The following TBXAS1 variants were observed in gnomAD, a reference collection of about 807,000 sequenced individuals.
TBXAS1 encodes thromboxane-A synthase.
A neutral mutation model predicts 60.7 loss-of-function variants in TBXAS1; 48 were observed. The observed-to-expected ratio is 0.79, with a 90% CI of 0.63 to 1.01. The LOEUF (loss-of-function observed/expected upper bound fraction) is 1.01. Among genes scored for constraint, TBXAS1 ranks in the 50% least tolerant of loss-of-function variants. The pLI is 0.00. For synonymous variants in TBXAS1, 287 were observed against 269.7 expected (o/e 1.06, Z -0.63); for missense variants, 685 against 686.3 (o/e 1.00, Z 0.02).
At position 139,780,596 on chromosome 7, in the gene TBXAS1, C is replaced by A. The variant is rs899275641; in HGVS notation, c.-317-144C>A. The A allele has an allele frequency of 1.9e-5, 3 of 154,404 alleles. No individual in the cohort carries two copies. The East Asian group carries it at 5.8e-4, about 30-fold the overall frequency. 9.6% of individuals were successfully genotyped at this position (154,404 alleles called of 1,614,324 possible). On this transcript the variant is annotated intron_variant, in intron 1 of 16. Transcript: ENST00000336425. ...GATAAAAGGCATTTCATATAGTCCT[C>A]ATCACAGCCTCTGAGGCTGGGTTAG...
At chr7:139,826,139 G>C (rs984628404), upstream of TBXAS1, among the ~76,000 whole-genome samples, 4 of 152,142 alleles carry the variant, frequency 2.6e-5, no homozygotes, top group African/African-American at 9.7e-5. Flanking sequence ...CCCCCTCCAT[G>C]CTGCCGGGCC....
chr7:139,872,265 GAA>G lies in TBXAS1; in HGVS notation c.121_122del (p.Lys41ValfsTer51). 1 of 1,614,038 alleles carries G rather than the reference GAA, an allele frequency of 6.2e-7. No individual in the cohort carries two copies. On this transcript the variant is annotated frameshift_variant, in exon 2 of 13. Transcript: ENST00000448866. LOFTEE classifies it high-confidence loss of function. ...YSTSAFSRLEKLGLRHPKPSP... is the reference protein window; with the variant it reads ...YSTSAFSRLEXLGLRHPKPSP... ...CCACATCAGCATTCTCAAGACTGGAGAAGTTAGGCCTCAGACATCCCAAGCCT... is the reference window on the plus strand; with the variant it reads ...CCACATCAGCATTCTCAAGACTGGAGGTTAGGCCTCAGACATCCCAAGCCT...
chr7:139,986,755 A>ATATGTGTGTGTG (rs1316978387), intron 9 of TBXAS1, among the ~76,000 whole-genome samples: 1 of 79,746 alleles, frequency 1.3e-5, no homozygotes, highest in African/African-American at 5.1e-5. Context: ...ATATATATAT[A>ATATGTGTGTGTG]TGTGTGTGTG....
chr7:139,850,779 G>A (rs1256473238), intron 1 of TBXAS1, among the ~76,000 whole-genome samples: 1 of 152,146 alleles, frequency 6.6e-6, no homozygotes, highest in Non-Finnish European at 1.5e-5. Context: ...ACACAGGCGA[G>A]AACACTGTGA....
At chr7:140,002,822 A>C (rs183589963) in intron 9 of TBXAS1, among the ~76,000 whole-genome samples, 8 of 152,190 alleles carry the variant, frequency 5.3e-5, no homozygotes, top group Admixed American at 2.6e-4. Context: ...ACTAAAACAT[A>C]TAAAAATCTG....
chr7:139,917,279 GT>G (rs1168006769), intron 4 of TBXAS1, among the ~76,000 whole-genome samples: 14 of 152,180 alleles, frequency 9.2e-5, no homozygotes, highest in Admixed American at 7.9e-4. Context: ...AGGCCTCTTT[GT>G]TTTATGTGAC....
intron 5 of TBXAS1, among the ~76,000 whole-genome samples, chr7:139,942,766 G>A (rs1808394311): frequency 1.3e-5 from 2 of 152,182 alleles, no homozygotes; most frequent in Admixed American, 1.3e-4. Flanking sequence ...ATCTCGCACA[G>A]CACTGATCCG....
chr7:140,009,318 T>G (rs1485158984), intron 10 of TBXAS1, among the ~76,000 whole-genome samples: 1 of 152,150 alleles, frequency 6.6e-6, no homozygotes, highest in Non-Finnish European at 1.5e-5. Flanking sequence ...CTTGGCATAC[T>G]GCGTGATCGT....
intron 5 of TBXAS1, chr7:139,952,491 T>A (rs1809490759): frequency 6.6e-7 from 1 of 1,518,182 alleles, no homozygotes; most frequent in African/African-American, 1.4e-5. Context: ...CACGTTGCTT[T>A]AGCTGTGATG....
At chr7:140,011,680 G>C (rs557718793) in intron 10 of TBXAS1, among the ~76,000 whole-genome samples, 1 of 152,260 alleles carries the variant, frequency 6.6e-6, no homozygotes, top group African/African-American at 2.4e-5. Context: ...ACCAGGGAGA[G>C]GGGAGGGGAG....
intron 1 of TBXAS1, among the ~76,000 whole-genome samples, chr7:139,869,598 A>G (rs1278765052): frequency 6.6e-6 from 1 of 152,168 alleles, no homozygotes; most frequent in African/African-American, 2.4e-5. Context: ...CATATGGGCT[A>G]GGCTGGTCTT....
chr7:139,834,146 C>T (rs1482306733), intron 1 of TBXAS1, among the ~76,000 whole-genome samples: 1 of 152,200 alleles, frequency 6.6e-6, no homozygotes, highest in Non-Finnish European at 1.5e-5. Flanking sequence ...TGGAAATCAT[C>T]TCCAAAAGGA....
At chr7:139,891,415 T>C (rs1022409438) in intron 3 of TBXAS1, among the ~76,000 whole-genome samples, 4 of 152,110 alleles carry the variant, frequency 2.6e-5, no homozygotes, top group Non-Finnish European at 5.9e-5. Flanking sequence ...CTAGTTGCAT[T>C]ATCCTCAATC....
chr7:139,802,059 C>T (rs1451574660), intron 4 of TBXAS1, among the ~76,000 whole-genome samples: 2 of 152,214 alleles, frequency 1.3e-5, no homozygotes, highest in African/African-American at 4.8e-5. Context: ...CCACCACGTC[C>T]AGTCACATTA....
rs1800317339 is a variant in TBXAS1 at position 139,852,924 on chromosome 7, G to T, written c.90-19311G>T. On this transcript the variant is annotated intron_variant, in intron 1 of 12. Coordinates refer to ENST00000448866, the MANE Select transcript of TBXAS1 (RefSeq NM_001061.7). This position sits in a 1 kb window ranked among gnomAD's most constrained non-coding sequence, Gnocchi z 4.4. ...CTCAATGCCCCTGTGTACCAACCTT[G>T]GCTACTCCAATACACACACACACAC... Among the ~76,000 whole-genome samples, 1 of 143,156 alleles carries T rather than the reference G, an allele frequency of 7.0e-6. No individual in the cohort carries two copies. Among genetic ancestry groups the T allele is most frequent in the East Asian group, 2.1e-4 (1 of 4,810 alleles). 93.9% of individuals were successfully genotyped at this position (143,156 alleles called of 152,430 possible). A position where few individuals can be genotyped will look rare whatever the true frequency, so the allele number is the denominator to read the frequency against.
chr7:140,002,666 C>T (rs1330075354), intron 9 of TBXAS1, among the ~76,000 whole-genome samples: 1 of 152,144 alleles, frequency 6.6e-6, no homozygotes. Flanking sequence ...TGTGGAGAAG[C>T]GCTAGGGTAG....
At chr7:139,853,085 G>A (rs1475552875) in intron 1 of TBXAS1, among the ~76,000 whole-genome samples, 4 of 151,380 alleles carry the variant, frequency 2.6e-5, no homozygotes, top group Admixed American at 6.6e-5. Flanking sequence ...CTTTACTGAA[G>A]TGAAGACCTG....
intron 3 of TBXAS1, among the ~76,000 whole-genome samples, chr7:139,786,378 C>T (rs1043178065): frequency 1.3e-5 from 2 of 152,050 alleles, no homozygotes; most frequent in South Asian, 4.2e-4. Context: ...TTCTAGACAG[C>T]TTTGAACCGT....
chr7:139,784,730 A>G (rs1018715766), intron 3 of TBXAS1, among the ~76,000 whole-genome samples: 3 of 152,206 alleles, frequency 2.0e-5, no homozygotes, highest in Non-Finnish European at 4.4e-5. Flanking sequence ...AGATGTGGGG[A>G]AAAATGAATT....
Sources: allele counts gnomAD v4.1 joint callset (sites outside exome capture counted in the v4.1 genomes callset), GRCh38; gene constraint gnomAD v4.1.1; non-coding constraint Gnocchi (gnomAD v3.1); transcripts MANE v1.5; gene names NCBI Gene and HGNC (gene_info 2026-07-23, HGNC 2026-07-21).